Variants in HOMER2 observed in about 807,000 individuals in gnomAD.
HOMER2 encodes homer scaffold protein 2.
HOMER2 carries 27 observed loss-of-function variants against 47.0 expected under a neutral mutation model. The ratio of observed to expected loss-of-function variants is 0.57; its 90% CI spans 0.42 to 0.79. HOMER2 has a LOEUF of 0.79. Among genes scored for constraint, HOMER2 ranks in the 30% least tolerant of loss-of-function variants. The pLI is 0.00. For synonymous variants in HOMER2, 161 were observed against 163.8 expected, an observed-to-expected ratio of 0.98 and a Z score of 0.13; for missense variants, 443 against 435.0, an observed-to-expected ratio of 1.02 and a Z score of -0.16.
intron 5 of HOMER2, among the ~76,000 whole-genome samples, chr15:82,855,111 C>T (rs989264896): frequency 4.6e-5 from 7 of 151,818 alleles, no homozygotes; most frequent in Non-Finnish European, 1.0e-4. Flanking sequence ...CCGAGGCGGG[C>T]GGATCACTAG....
At chr15:82,983,836 C>T (rs1217130152) in intron 1 of HOMER2, among the ~76,000 whole-genome samples, 1 of 151,978 alleles carries the variant, frequency 6.6e-6, no homozygotes, top group African/African-American at 2.4e-5. Flanking sequence ...AAGTGATCCG[C>T]CTGCCTCGGC....
At chr15:82,931,224 T>C (rs2054000392) in intron 1 of HOMER2, among the ~76,000 whole-genome samples, 1 of 152,214 alleles carries the variant, frequency 6.6e-6, no homozygotes, top group African/African-American at 2.4e-5. Context: ...GTACCAATTT[T>C]TGCTATGAGG....
intron 1 of HOMER2, among the ~76,000 whole-genome samples, chr15:82,971,547 A>G (rs2029990258): frequency 6.6e-6 from 1 of 152,158 alleles, no homozygotes; most frequent in Admixed American, 6.5e-5. Context: ...TTGTGTCACT[A>G]TCCAGCCTGG....
At chr15:82,980,754 A>G (rs1385029698) in intron 1 of HOMER2, among the ~76,000 whole-genome samples, 1 of 152,192 alleles carries the variant, frequency 6.6e-6, no homozygotes, top group Non-Finnish European at 1.5e-5. Flanking sequence ...CACAGATATG[A>G]AATATGCCGA....
intron 1 of HOMER2, among the ~76,000 whole-genome samples, chr15:82,923,788 C>T (rs996088695): frequency 1.1e-4 from 17 of 152,182 alleles, no homozygotes; most frequent in African/African-American, 3.9e-4. Context: ...CAGCTGGAAC[C>T]CTGGCTTATG....
intron 5 of HOMER2, among the ~76,000 whole-genome samples, chr15:82,858,406 A>G (rs1413793130): frequency 6.6e-6 from 1 of 151,860 alleles, no homozygotes; most frequent in Non-Finnish European, 1.5e-5. Context: ...AATCCTCCCA[A>G]CTGAGCCACC....
chr15:82,872,499 A>G (rs2052210232), intron 3 of HOMER2, among the ~76,000 whole-genome samples: 1 of 152,208 alleles, frequency 6.6e-6, no homozygotes, highest in Non-Finnish European at 1.5e-5. Context: ...AATTCTACCT[A>G]AAATGCATCT....
intron 1 of HOMER2, among the ~76,000 whole-genome samples, chr15:82,975,217 C>A (rs2151260106): frequency 6.6e-6 from 1 of 152,304 alleles, no homozygotes; most frequent in Non-Finnish European, 1.5e-5. Context: ...GCAATAAATG[C>A]TGGTGAGGAT....
chr15:82,837,530 G>A (rs186927696), exon 2 of HOMER2: 9 of 152,332 alleles, frequency 5.9e-5, no homozygotes, highest in African/African-American at 1.9e-4. Flanking sequence ...TTAGTGGGCT[G>A]GTGACGCAGG....
intron 1 of HOMER2, among the ~76,000 whole-genome samples, chr15:82,920,698 A>G (rs533988239): frequency 6.6e-6 from 1 of 152,342 alleles, no homozygotes; most frequent in South Asian, 2.1e-4. Context: ...GCCCTGGATA[A>G]TGCAGGATAA....
intron 1 of HOMER2, among the ~76,000 whole-genome samples, chr15:82,983,693 A>G (rs2030476015): frequency 6.6e-6 from 1 of 151,502 alleles, no homozygotes; most frequent in African/African-American, 2.4e-5. Flanking sequence ...AGTTCAAGCA[A>G]TCCTCCCTGC....
intron 1 of HOMER2, among the ~76,000 whole-genome samples, chr15:82,894,215 C>T (rs185437758): frequency 8.5e-5 from 13 of 152,252 alleles, no homozygotes; most frequent in Admixed American, 1.3e-4. Flanking sequence ...TTTGACAATA[C>T]GCATTTAGAA....
chr15:82,972,663 C>T (rs866144735), intron 1 of HOMER2, among the ~76,000 whole-genome samples: 9 of 151,420 alleles, frequency 5.9e-5, no homozygotes, highest in Non-Finnish European at 8.8e-5. Flanking sequence ...GCCTAGGCAA[C>T]GAGAGCAAAA....
intron 4 of HOMER2, among the ~76,000 whole-genome samples, chr15:82,862,429 A>G (rs1183792225): frequency 6.6e-6 from 1 of 152,242 alleles, no homozygotes; most frequent in Non-Finnish European, 1.5e-5. Flanking sequence ...GGGGCAGCAC[A>G]GCAAGACCCC....
intron 1 of HOMER2, among the ~76,000 whole-genome samples, chr15:82,931,341 T>G (rs543558983): frequency 1.4e-3 from 216 of 152,298 alleles, no homozygotes; most frequent in Non-Finnish European, 2.7e-3. Context: ...GTACTCCACT[T>G]AATTATTTAA....
chr15:82,961,800 G>A (rs919681102), intron 1 of HOMER2, among the ~76,000 whole-genome samples: 1 of 152,078 alleles, frequency 6.6e-6, no homozygotes, highest in African/African-American at 2.4e-5. Context: ...TTGAGATAGA[G>A]TGGCCCAGCC....
At chr15:82,908,747 T>TAAA (rs145654945) in intron 1 of HOMER2, among the ~76,000 whole-genome samples, 6 of 148,496 alleles carry the variant, frequency 4.0e-5, no homozygotes, top group South Asian at 2.1e-4. Context: ...GCTTTTTTTT[T>TAAA]AAAAAAAAAA....
intron 1 of HOMER2, among the ~76,000 whole-genome samples, chr15:82,899,253 T>C (rs959588500): frequency 6.6e-6 from 1 of 152,244 alleles, no homozygotes; most frequent in Non-Finnish European, 1.5e-5. Flanking sequence ...CTGGACCCAA[T>C]ACATCCTCGC....
intron 4 of HOMER2, among the ~76,000 whole-genome samples, chr15:82,862,155 G>A (rs1209167979): frequency 2.9e-5 from 4 of 140,202 alleles, no homozygotes; most frequent in African/African-American, 5.0e-5. Context: ...CACTGGCCTC[G>A]GCTTCCCAAA....
Sources: allele counts gnomAD v4.1 joint callset (sites outside exome capture counted in the v4.1 genomes callset), GRCh38; gene constraint gnomAD v4.1.1; transcripts MANE v1.5; gene names NCBI Gene and HGNC (gene_info 2026-07-23, HGNC 2026-07-21).